The following C5orf58 variants were observed in gnomAD, a reference collection of about 807,000 sequenced individuals.
C5orf58 encodes putative uncharacterized protein C5orf58.
A neutral mutation model predicts 2.9 loss-of-function variants in C5orf58; 2 were observed. The ratio of observed to expected loss-of-function variants is 0.69; its 90% CI spans 0.28 to 2.18. C5orf58 has a LOEUF of 2.18. Ranked by LOEUF, C5orf58 falls within the 30% of genes most tolerant of loss-of-function variation. The pLI, the probability that C5orf58 is intolerant of heterozygous loss-of-function variation, is 0.13. For missense variants in C5orf58, 96 were observed against 91.7 expected (o/e 1.05, Z -0.19); for synonymous variants, 37 against 33.4 (o/e 1.11, Z -0.37).
At chr5:170,234,794 G>C in intron 2 of C5orf58, 183 bp from the exon 3 acceptor site, 1 of 393,738 alleles carries the variant, frequency 2.5e-6, no homozygotes, top group Non-Finnish European at 4.5e-6. Context: ...GGAGTTTTTA[G>C]TTGGAAAAAT....
At position 170,234,988 on chromosome 5, in the gene C5orf58, G is replaced by T; in HGVS notation, c.12G>T (p.Lys4Asn). ...TCTTTTAAAATCAGATGGGTAAGAA[G>T]CGTGTTACTGATCATAAGCTAAATG... is the stretch of plus-strand genomic sequence containing the variant. Reference protein sequence around the residue: MGKKRVTDHKLNVD... With the variant: MGKNRVTDHKLNVD... Residue 4 changes from lysine (K) to asparagine (N), a missense_variant, in exon 3 of 4, where the codon AAG becomes AAT. Coordinates refer to ENST00000593851, the MANE Select transcript of C5orf58 (RefSeq NM_001102609.3). 6.6e-7 allele frequency: 1 copy of T among 1,508,614 alleles called. No individual in the cohort carries two copies. Among genetic ancestry groups the T allele is most frequent in the Non-Finnish European group, 9.1e-7 (1 of 1,096,252 alleles). The allele number at this position is 1,508,614 out of a possible 1,614,324, so 93.5% of individuals were successfully genotyped here.
chr5:170,241,710 A>C (rs1179043972), intron 3 of C5orf58, among the ~76,000 whole-genome samples: 1 of 145,286 alleles, frequency 6.9e-6, no homozygotes, highest in African/African-American at 2.6e-5. Flanking sequence ...ATATACAATC[A>C]TGTCATCTGC....
chr5:170,245,550 C>T (rs961809059), intron 3 of C5orf58, among the ~76,000 whole-genome samples: 26 of 152,344 alleles, frequency 1.7e-4, no homozygotes, highest in African/African-American at 6.3e-4. Flanking sequence ...GTGCGTCCGT[C>T]ACCCCTTTCT....
At chr5:170,233,862 A>G (rs1286284506) in intron 1 of C5orf58, 4 of 347,308 alleles carry the variant, frequency 1.2e-5, no homozygotes, top group Non-Finnish European at 2.2e-5. Flanking sequence ...GGAGAACCAG[A>G]GTGGAGAGAG....
At chr5:170,248,587 A>G, downstream of C5orf58, 1 of 1,135,676 alleles carries the variant, frequency 8.8e-7, no homozygotes, top group South Asian at 1.3e-5. Flanking sequence ...CCTTGTGTTC[A>G]TGGGGAGGGG....
At chr5:170,234,547 T>C (rs1222592540) in intron 2 of C5orf58, among the ~76,000 whole-genome samples, 1 of 152,258 alleles carries the variant, frequency 6.6e-6, no homozygotes, top group Non-Finnish European at 1.5e-5. Context: ...AAATTCTTTT[T>C]TGAGTTTCAC....
downstream of C5orf58, chr5:170,251,064 A>G (rs916188503): frequency 8.0e-5 from 45 of 565,186 alleles, no homozygotes; most frequent in Non-Finnish European, 1.3e-5. Flanking sequence ...TACATATCCC[A>G]TGTGTCATGA....
At chr5:170,247,485 G>C (rs139206417), downstream of C5orf58, 3 of 152,152 alleles carry the variant, frequency 2.0e-5, no homozygotes, top group Non-Finnish European at 4.4e-5. Flanking sequence ...AAGCAGAGAC[G>C]CCAAAAATTG....
In C5orf58 at chr5:170,233,078, T is replaced by G. The variant is rs568681935; in HGVS notation, c.-85+71T>G. 4.2e-6 allele frequency: 3 copies of G among 719,128 alleles called. No individual in the cohort carries two copies. The East Asian group carries it at 3.9e-4, about 94-fold the overall frequency. 44.5% of individuals were successfully genotyped at this position (719,128 alleles called of 1,614,324 possible). ...TGGGAGGGTGAAGACCGCTGAAATT[T>G]CCAGGCTGCCCGAGGCTCCACCTTC... On this transcript the variant is annotated intron_variant, in intron 1 of 3. Transcript: ENST00000593851.
Position 170,239,932 on chromosome 5 carries a change from C to G in C5orf58, c.94+4862C>G, listed in dbSNP as rs369505948. Among the ~76,000 whole-genome samples the G allele has an allele frequency of 2.6e-5, 4 of 152,056 alleles. No homozygotes were observed. The South Asian group carries it at 8.3e-4, about 32-fold the overall frequency. ...CAATGCTATCCCTCCCCCGTCCCCCCACCCCACCACAGTTCCCAGAGTGTG... is the reference window on the plus strand; with the variant it reads ...CAATGCTATCCCTCCCCCGTCCCCCGACCCCACCACAGTTCCCAGAGTGTG... On this transcript the variant is annotated intron_variant, in intron 3 of 3. Transcript: ENST00000593851.
rs897219381 is a variant in C5orf58 at position 170,245,907 on chromosome 5, A to C, written c.95-55A>C. ...AGAAATAGCTACTTAAAGCAATAAT[A>C]GTTTTTTATGACATATGTGCTACAA... On this transcript the variant is annotated intron_variant, in intron 3 of 3. Transcript: ENST00000593851. The C allele has an allele frequency of 2.7e-6, 4 of 1,508,882 alleles. No individual in the cohort carries two copies. The African/African-American group carries it at 4.2e-5, about 16-fold the overall frequency. The allele number at this position is 1,508,882 out of a possible 1,614,324, so 93.5% of individuals were successfully genotyped here. A position where few individuals can be genotyped will look rare whatever the true frequency, so the allele number is the denominator to read the frequency against.
At chr5:170,240,916 G>A (rs1223024260) in intron 3 of C5orf58, among the ~76,000 whole-genome samples, 10 of 151,894 alleles carry the variant, frequency 6.6e-5, no homozygotes, top group African/African-American at 1.7e-4. Context: ...TAGGTCTAAC[G>A]CTTAAGTCTT....
At chr5:170,236,962 T>C (rs1179683429) in intron 3 of C5orf58, among the ~76,000 whole-genome samples, 1 of 152,224 alleles carries the variant, frequency 6.6e-6, no homozygotes, top group Non-Finnish European at 1.5e-5. Flanking sequence ...GGTGCCTTGA[T>C]TGATTCGATT....
Position 170,246,128 on chromosome 5 carries a change from T to C in C5orf58, c.*15T>C, listed in dbSNP as rs369172790. Reference sequence around the variant, plus strand: ...TTTCTATCTGATTTCTTATTTGTTATGAGTTTCTGTTTTATTGTTGAACTA... The same window carrying C: ...TTTCTATCTGATTTCTTATTTGTTACGAGTTTCTGTTTTATTGTTGAACTA... On this transcript the variant is annotated 3_prime_UTR_variant, in exon 4 of 4. Transcript: ENST00000593851. 3.8e-6 allele frequency: 6 copies of C among 1,598,598 alleles called. No homozygotes were observed. The highest frequency in any genetic ancestry group is 4.3e-6 in the Non-Finnish European group (5 of 1,170,430).
At chr5:170,234,798 G>A in intron 2 of C5orf58, 179 bp from the exon 3 acceptor site, 1 of 399,344 alleles carries the variant, frequency 2.5e-6, no homozygotes. Flanking sequence ...TTTTTAGTTG[G>A]AAAAATATTA....
rs780428692 is a variant in C5orf58, at chr5:170,235,056, T to C, written c.80T>C (p.Leu27Ser). ...AATATTAACACAATTTCTTCGGAGT[T>C]GAAGAAGATAAAAGGTAAGTATTGA... ...IKNINTISSE[L>S]KKIKELSQLL... Residue 27 changes from leucine to serine, a missense_variant, in exon 3 of 4, where the codon TTG becomes TCG. Leu to Ser is a moderately radical substitution (Grantham distance 145). Transcript: ENST00000593851. 1 of 1,476,720 alleles carries C rather than the reference T, an allele frequency of 6.8e-7. No homozygotes were observed. The highest frequency in any genetic ancestry group is 2.3e-5 in the East Asian group (1 of 42,974). 91.5% of individuals were successfully genotyped at this position (1,476,720 alleles called of 1,614,324 possible).
chr5:170,248,766 C>T, downstream of C5orf58: 1 of 1,611,526 alleles, frequency 6.2e-7, no homozygotes, highest in Non-Finnish European at 8.5e-7. Flanking sequence ...CATCAATGAG[C>T]AGAAGTGGCA....
chr5:170,250,163 T>G (rs533248576), downstream of C5orf58, among the ~76,000 whole-genome samples: 4 of 152,214 alleles, frequency 2.6e-5, no homozygotes, highest in African/African-American at 9.6e-5. Flanking sequence ...TAGTTTCCTT[T>G]GCGAAAAACT....
intron 3 of C5orf58, among the ~76,000 whole-genome samples, chr5:170,235,577 A>G (rs757263247): frequency 3.3e-5 from 5 of 152,214 alleles, no homozygotes; most frequent in Non-Finnish European, 5.9e-5. Context: ...CTGTGATTGA[A>G]TATTTCTAGG....
Sources: gnomAD v4.1 joint callset for allele counts (sites outside exome capture counted in the v4.1 genomes callset) on GRCh38, gnomAD v4.1.1 for gene constraint, MANE v1.5 for transcripts, NCBI Gene and HGNC (gene_info 2026-07-23, HGNC 2026-07-21) for gene names.